Variants in PARD3B observed in about 807,000 individuals in gnomAD.
PARD3B encodes the protein partitioning defective 3 homolog B.
Under a neutral mutation model 130.2 loss-of-function variants are expected in PARD3B, and 103 were observed. The observed-to-expected ratio is 0.79, with a 90% CI of 0.67 to 0.93. The LOEUF (loss-of-function observed/expected upper bound fraction) is 0.93. Ranked by LOEUF, PARD3B falls within the 40% of genes least tolerant of loss-of-function variation. PARD3B has a pLI of 0.00. For synonymous variants in PARD3B, 583 were observed against 553.2 expected (o/e 1.05, Z -0.76); for missense variants, 1,609 against 1,499.2 (o/e 1.07, Z -1.21).
intron 2 of PARD3B, among the ~76,000 whole-genome samples, chr2:204,928,451 G>A (rs886940807): frequency 2.6e-5 from 4 of 152,170 alleles, no homozygotes; most frequent in South Asian, 2.1e-4. Context: ...CTACAAGGAC[G>A]ATAATTGGGG....
At chr2:205,469,898 C>T (rs1293964832) in intron 20 of PARD3B, among the ~76,000 whole-genome samples, 1 of 152,242 alleles carries the variant, frequency 6.6e-6, no homozygotes, top group Non-Finnish European at 1.5e-5. Context: ...ATGCTGACTA[C>T]GCATCCACGA....
chr2:205,519,043 A>T (rs1237644836), intron 21 of PARD3B, among the ~76,000 whole-genome samples: 2 of 152,108 alleles, frequency 1.3e-5, no homozygotes, highest in Non-Finnish European at 2.9e-5. Flanking sequence ...CAACCTTGGA[A>T]AATCTGATGA....
chr2:204,874,019 T>C (rs1276440290), intron 2 of PARD3B, among the ~76,000 whole-genome samples: 3 of 152,120 alleles, frequency 2.0e-5, no homozygotes, highest in Non-Finnish European at 4.4e-5. Context: ...GGCGGGTACC[T>C]GTAATCCCAG....
intron 2 of PARD3B, among the ~76,000 whole-genome samples, chr2:204,794,484 A>T (rs958936293): frequency 1.3e-5 from 2 of 152,092 alleles, no homozygotes; most frequent in South Asian, 4.1e-4. Context: ...ACTGGCTTGT[A>T]GTATTTGCTG....
chr2:205,571,797 T>C (rs1294758022), intron 22 of PARD3B, among the ~76,000 whole-genome samples: 3 of 152,230 alleles, frequency 2.0e-5, no homozygotes, highest in African/African-American at 4.8e-5. Context: ...AGTGCCTAAG[T>C]CACTCTCTGG....
intron 22 of PARD3B, among the ~76,000 whole-genome samples, chr2:205,560,777 G>A (rs551722981): frequency 6.6e-5 from 10 of 152,312 alleles, no homozygotes; most frequent in South Asian, 2.1e-4. Flanking sequence ...ACTTGGCTGC[G>A]CAATGGGAAG....
chr2:205,194,965 T>TGTTG (rs1262120870), intron 15 of PARD3B, among the ~76,000 whole-genome samples: 1 of 147,308 alleles, frequency 6.8e-6, no homozygotes, highest in East Asian at 2.0e-4. Context: ...TTTTTTTTTT[T>TGTTG]TTTTTGTATT....
At position 205,228,465 on chromosome 2, in the gene PARD3B, C is replaced by T. The variant is rs575476325; in HGVS notation, c.2141-17313C>T. On this transcript the variant is annotated intron_variant, in intron 15 of 22. Transcript: ENST00000406610. ...GCCTGTAGGGTTTCCACTGAGAAGT[C>T]TGCTGCAACACTTACTGGAGCTCCA... Among the ~76,000 whole-genome samples, 3 of 152,210 alleles carry T rather than the reference C, an allele frequency of 2.0e-5. No individual in the cohort carries two copies. The East Asian group carries it at 5.8e-4, about 29-fold the overall frequency.
At chr2:205,256,991 G>A (rs941696289) in intron 16 of PARD3B, among the ~76,000 whole-genome samples, 1 of 151,964 alleles carries the variant, frequency 6.6e-6, no homozygotes, top group African/African-American at 2.4e-5. Flanking sequence ...GTATCCTAGA[G>A]GGCAAAAACT....
chr2:205,282,955 G>C (rs1032300599), intron 16 of PARD3B, among the ~76,000 whole-genome samples: 26 of 152,170 alleles, frequency 1.7e-4, no homozygotes, highest in African/African-American at 5.3e-4. Context: ...CTGAGCCCTG[G>C]TTGGTTGATA....
chr2:204,685,403 C>G (rs940051860), intron 1 of PARD3B, among the ~76,000 whole-genome samples: 1 of 152,162 alleles, frequency 6.6e-6, no homozygotes, highest in African/African-American at 2.4e-5. Flanking sequence ...TAATGGTTCA[C>G]TTTCATAGCT....
intron 15 of PARD3B, among the ~76,000 whole-genome samples, chr2:205,198,655 C>T (rs976525802): frequency 1.3e-5 from 2 of 152,016 alleles, no homozygotes; most frequent in African/African-American, 4.8e-5. Context: ...TCCTCTTAGA[C>T]AGTACATTTC....
At chr2:205,012,874 G>A (rs758829295) in intron 3 of PARD3B, among the ~76,000 whole-genome samples, 17 of 152,258 alleles carry the variant, frequency 1.1e-4, no homozygotes, top group Admixed American at 2.0e-4. Flanking sequence ...ATTATACTGC[G>A]AGATCTCAGA....
At chr2:205,433,422 C>T (rs966120261) in intron 19 of PARD3B, among the ~76,000 whole-genome samples, 5 of 151,184 alleles carry the variant, frequency 3.3e-5, no homozygotes, top group African/African-American at 7.3e-5. Flanking sequence ...ATCCCAGCTA[C>T]ACAGGAGGCT....
At chr2:205,362,266 A>G (rs949248511) in intron 18 of PARD3B, among the ~76,000 whole-genome samples, 21 of 152,344 alleles carry the variant, frequency 1.4e-4, no homozygotes, top group African/African-American at 5.1e-4. Context: ...TCAGAGCAAA[A>G]TAATAGCCTG....
chr2:205,109,069 G>A (rs753867489), intron 5 of PARD3B, among the ~76,000 whole-genome samples: 2 of 151,776 alleles, frequency 1.3e-5, no homozygotes, highest in Non-Finnish European at 2.9e-5. Flanking sequence ...TCAAGCATTG[G>A]TCTTTGTTTT....
At chr2:204,860,792 T>A (rs1031289963) in intron 2 of PARD3B, among the ~76,000 whole-genome samples, 2 of 152,200 alleles carry the variant, frequency 1.3e-5, no homozygotes, top group Non-Finnish European at 2.9e-5. Context: ...TGAAGCATTA[T>A]TTATAAAAAG....
intron 2 of PARD3B, among the ~76,000 whole-genome samples, chr2:204,815,964 A>G (rs527550787): frequency 1.3e-5 from 2 of 152,074 alleles, no homozygotes; most frequent in African/African-American, 4.8e-5. Context: ...ATTCGGTTAC[A>G]TTGGTTGATA....
At chr2:205,505,318 G>C (rs145629411) in intron 21 of PARD3B, among the ~76,000 whole-genome samples, 1 of 151,886 alleles carries the variant, frequency 6.6e-6, no homozygotes, top group Non-Finnish European at 1.5e-5. Context: ...TGCAGCACAC[G>C]AACATGGCAC....
Sources: allele counts gnomAD v4.1 joint callset (sites outside exome capture counted in the v4.1 genomes callset), GRCh38; gene constraint gnomAD v4.1.1; transcripts MANE v1.5; gene names NCBI Gene and HGNC (gene_info 2026-07-23, HGNC 2026-07-21).